Variants in EPB41 observed in about 807,000 individuals in gnomAD.
The protein encoded by EPB41 is erythrocyte membrane protein band 4.1.
Under a neutral mutation model 108.0 loss-of-function variants are expected in EPB41, and 65 were observed. That is an observed-to-expected ratio of 0.60 (90% CI 0.49 to 0.74). EPB41 has a LOEUF of 0.74. EPB41 is among the 30% of genes least tolerant of loss of function. The probability of loss-of-function intolerance (pLI) is 0.00; values close to 1 mark genes in which losing one functional copy is unlikely to be tolerated. For missense variants in EPB41, 875 were observed against 1,037.0 expected (o/e 0.84, Z 2.15); for synonymous variants, 336 against 358.9 (o/e 0.94, Z 0.72).
At chr1:28,908,808 C>T (rs745990141) in intron 1 of EPB41, among the ~76,000 whole-genome samples, 1 of 151,724 alleles carries the variant, frequency 6.6e-6, no homozygotes, top group Non-Finnish European at 1.5e-5. Context: ...ATGATATATC[C>T]GCTTGCTAGC....
intron 8 of EPB41, among the ~76,000 whole-genome samples, chr1:29,031,394 T>C (rs1008542247): frequency 6.6e-6 from 1 of 152,208 alleles, no homozygotes; most frequent in Non-Finnish European, 1.5e-5. Flanking sequence ...ATGTATGGAA[T>C]TAATTTGGAG....
At chr1:29,087,902 AAAT>A (rs1189071552) in intron 16 of EPB41, among the ~76,000 whole-genome samples, 1 of 152,178 alleles carries the variant, frequency 6.6e-6, no homozygotes, top group African/African-American at 2.4e-5. Flanking sequence ...GAGAATCTTC[AAAT>A]AATGTTTCTG....
chr1:28,906,503 T>C (rs989265035), intron 1 of EPB41, among the ~76,000 whole-genome samples: 7 of 152,146 alleles, frequency 4.6e-5, no homozygotes, highest in African/African-American at 1.7e-4. Flanking sequence ...GTCATTAGGC[T>C]CATTCCAGCT....
At chr1:29,089,399 A>G (rs146113317) in intron 16 of EPB41, among the ~76,000 whole-genome samples, 6 of 152,350 alleles carry the variant, frequency 3.9e-5, no homozygotes, top group African/African-American at 1.4e-4. Flanking sequence ...CTGAGCATCT[A>G]TTACATACCA....
chr1:29,080,536 G>T (rs1656156912), intron 16 of EPB41, among the ~76,000 whole-genome samples: 1 of 151,498 alleles, frequency 6.6e-6, no homozygotes, highest in African/African-American at 2.4e-5. Context: ...AGCCTCCCAA[G>T]TTGCTGGGAC....
At chr1:28,901,963 C>G (rs2091362467) in intron 1 of EPB41, among the ~76,000 whole-genome samples, 1 of 152,202 alleles carries the variant, frequency 6.6e-6, no homozygotes, top group African/African-American at 2.4e-5. Flanking sequence ...TGTCTCTCCT[C>G]GCATTGGAAT....
chr1:29,030,552 T>C (rs1273774423), intron 8 of EPB41, 65 bp downstream of exon 8: 15 of 1,158,684 alleles, frequency 1.3e-5, no homozygotes, highest in Admixed American at 1.7e-5. Context: ...ATGTCTGTTA[T>C]GTATGTATCA....
intron 1 of EPB41, among the ~76,000 whole-genome samples, chr1:28,954,001 C>G (rs1213967839): frequency 2.0e-5 from 3 of 152,206 alleles, no homozygotes; most frequent in Non-Finnish European, 4.4e-5. Context: ...GTTCAAGGAT[C>G]TGCATTAGAA....
intron 4 of EPB41, among the ~76,000 whole-genome samples, chr1:29,010,760 A>G (rs2096486275): frequency 6.6e-6 from 1 of 152,194 alleles, no homozygotes; most frequent in South Asian, 2.1e-4. Context: ...AAAACAAAAT[A>G]TTTATTCATT....
intron 1 of EPB41, among the ~76,000 whole-genome samples, chr1:28,966,407 T>C (rs548573212): frequency 6.6e-6 from 1 of 152,308 alleles, no homozygotes; most frequent in African/African-American, 2.4e-5. Context: ...AATCAGTCTT[T>C]CTTTTGTTCA....
chr1:28,937,762 A>G (rs1195338840), intron 1 of EPB41, among the ~76,000 whole-genome samples: 1 of 152,238 alleles, frequency 6.6e-6, no homozygotes, highest in Non-Finnish European at 1.5e-5. Flanking sequence ...TATGTAAGAA[A>G]TCATTGCCTA....
rs755604566 is a variant in EPB41 at position 28,907,070 on chromosome 1, C to CT, written c.-8+19872dup. On this transcript the variant is annotated intron_variant, in intron 1 of 16. Transcript: ENST00000347529. The stretch of plus-strand genomic sequence containing the variant: ...ACAGGCGTGAGCCACCATGCCTGGC[C>CT]TTTTTTTTTTTTGAGATGGAGTCTC... Among the ~76,000 whole-genome samples the CT allele has an allele frequency of 7.8e-3, 1,091 of 140,302 alleles. 5 individuals carry two copies. Among genetic ancestry groups the CT allele is most frequent in the African/African-American group, 0.016 (630 of 38,244 alleles). 92.0% of individuals were successfully genotyped at this position (140,302 alleles called of 152,430 possible).
rs1417761618 is a variant in EPB41 at position 29,035,810 on chromosome 1, A to G, written c.1366-16A>G. 1.3e-6 allele frequency: 2 copies of G among 1,587,686 alleles called. No individual in the cohort carries two copies. The highest frequency in any genetic ancestry group is 1.3e-5 in the African/African-American group (1 of 74,466). On this transcript the variant is annotated splice_polypyrimidine_tract_variant and intron_variant, in intron 9 of 20. Transcript: ENST00000343067. Reference sequence around the variant, plus strand: ...ATGTAATACTTCATGTCCCATGTTTATTTGTGTTTTTGTAGCAAGAGCAGT... The same window carrying G: ...ATGTAATACTTCATGTCCCATGTTTGTTTGTGTTTTTGTAGCAAGAGCAGT...
intron 17 of EPB41, among the ~76,000 whole-genome samples, chr1:29,101,808 G>A (rs1299194035): frequency 6.6e-6 from 1 of 152,210 alleles, no homozygotes; most frequent in Non-Finnish European, 1.5e-5. Context: ...GGCTGAGGCG[G>A]AGGCTCCCTT....
Position 29,026,808 on chromosome 1 carries a change from T to TA in EPB41, c.1125-3584dup, listed in dbSNP as rs796184410. Among the ~76,000 whole-genome samples, 574 of 151,886 alleles carry TA rather than the reference T, an allele frequency of 3.8e-3. 6 individuals are homozygous for TA. The highest frequency in any genetic ancestry group is 0.013 in the African/African-American group (533 of 41,444). On this transcript the variant is annotated intron_variant, in intron 7 of 20. Transcript: ENST00000343067. ...GGTGACAGAGCAAGACCTTGTCTCTTAAAAAAAATTTTTTTTGGCTCACAC... is the reference window on the plus strand; with the variant it reads ...GGTGACAGAGCAAGACCTTGTCTCTTAAAAAAAAATTTTTTTTGGCTCACAC...
At chr1:29,035,955 T>C (rs1009303874) in intron 10 of EPB41, 32 bp downstream of exon 10, 7 of 1,496,280 alleles carry the variant, frequency 4.7e-6, no homozygotes, top group Non-Finnish European at 6.5e-6. Flanking sequence ...TTTTCAAGGA[T>C]AAATTATTTA....
chr1:28,945,972 A>G (rs1484515719), intron 1 of EPB41, among the ~76,000 whole-genome samples: 1 of 152,204 alleles, frequency 6.6e-6, no homozygotes, highest in Non-Finnish European at 1.5e-5. Context: ...GTGATAGGAA[A>G]GTAGACATTG....
chr1:28,915,731 C>CTTTTTTTTTT (rs11321625), intron 1 of EPB41, among the ~76,000 whole-genome samples: 19 of 56,076 alleles, frequency 3.4e-4, no homozygotes, highest in South Asian at 7.0e-4. Context: ...TTTTCAGATG[C>CTTTTTTTTTT]TTTTTTTTTT....
intron 12 of EPB41, among the ~76,000 whole-genome samples, chr1:29,057,392 A>G (rs113485329): frequency 5.3e-4 from 79 of 150,068 alleles, no homozygotes; most frequent in African/African-American, 1.4e-3. Flanking sequence ...AAAAAAAAAA[A>G]AAAAGAAAAA....
Sources: allele counts gnomAD v4.1 joint callset (sites outside exome capture counted in the v4.1 genomes callset), GRCh38; gene constraint gnomAD v4.1.1; transcripts MANE v1.5; gene names NCBI Gene and HGNC (gene_info 2026-07-23, HGNC 2026-07-21).